The following APC variants were observed in gnomAD, a reference collection of about 807,000 sequenced individuals.
APC encodes the protein adenomatous polyposis coli protein.
APC carries 72 observed loss-of-function variants against 247.0 expected under a neutral mutation model. That is an observed-to-expected ratio of 0.29 (90% CI 0.24 to 0.35). APC has a LOEUF of 0.35. APC is among the 10% of genes least tolerant of loss of function. APC has a pLI of 1.00. For synonymous variants in APC, 1,254 were observed against 1,162.5 expected (o/e 1.08, Z -1.60); for missense variants, 3,400 against 3,360.7 (o/e 1.01, Z -0.29).
intron 8 of APC, among the ~76,000 whole-genome samples, chr5:112,804,416 C>T (rs534896455): frequency 2.0e-5 from 3 of 152,060 alleles, no homozygotes; most frequent in Non-Finnish European, 4.4e-5. Context: ...CAGAGTCTCG[C>T]TCTGTCAGCA....
chr5:112,798,932 G>T (rs763332631), intron 7 of APC, among the ~76,000 whole-genome samples: 3 of 151,944 alleles, frequency 2.0e-5, no homozygotes, highest in Non-Finnish European at 4.4e-5. Context: ...GATAATGGCC[G>T]GGCACTGTGG....
At chr5:112,796,228 CAAT>C in intron 7 of APC, among the ~76,000 whole-genome samples, 2 of 152,180 alleles carry the variant, frequency 1.3e-5, no homozygotes, top group South Asian at 4.2e-4. Flanking sequence ...ATTTGTGTAA[CAAT>C]AAAGTGGAAC....
intron 1 of APC, among the ~76,000 whole-genome samples, chr5:112,749,260 C>G (rs1285711217): frequency 6.6e-6 from 1 of 151,954 alleles, no homozygotes; most frequent in East Asian, 1.9e-4. Flanking sequence ...TATGATTATT[C>G]TTTTTCACAC....
chr5:112,822,051 TAG>T (rs1763203280), intron 11 of APC, 60 bp downstream of exon 11: 1 of 1,138,340 alleles, frequency 8.8e-7, no homozygotes, highest in Non-Finnish European at 1.3e-6. Context: ...TAAATCATGG[TAG>T]AAATTCAGTA....
At chr5:112,816,798 GAAAA>G (rs200654701) in intron 9 of APC, among the ~76,000 whole-genome samples, 1 of 140,662 alleles carries the variant, frequency 7.1e-6, no homozygotes, top group Non-Finnish European at 1.6e-5. Context: ...CATTTCAAAA[GAAAA>G]AAAAAAGAGG....
chr5:112,756,185 C>T (rs992458543), intron 2 of APC, among the ~76,000 whole-genome samples: 1 of 152,120 alleles, frequency 6.6e-6, no homozygotes, highest in Non-Finnish European at 1.5e-5. Flanking sequence ...CTCTTTTACC[C>T]TTTATATTCA....
intron 8 of APC, among the ~76,000 whole-genome samples, chr5:112,808,019 G>T (rs1471318669): frequency 1.3e-5 from 2 of 152,082 alleles, no homozygotes; most frequent in African/African-American, 2.4e-5. Flanking sequence ...GCCAGATGTG[G>T]TGGCGCACAC....
chr5:112,741,771 C>T (rs1323688454), intron 1 of APC, among the ~76,000 whole-genome samples: 1 of 152,148 alleles, frequency 6.6e-6, no homozygotes, highest in Non-Finnish European at 1.5e-5. Context: ...TAAACACTAA[C>T]ATGCCATTTT....
chr5:112,834,169 T>C (rs1027539182), intron 14 of APC, among the ~76,000 whole-genome samples: 1 of 150,090 alleles, frequency 6.7e-6, no homozygotes, highest in Non-Finnish European at 1.5e-5. Flanking sequence ...CTCAAATTCC[T>C]AAACTCCCAG....
intron 9 of APC, among the ~76,000 whole-genome samples, chr5:112,817,679 T>C (rs1762649389): frequency 6.6e-6 from 1 of 152,200 alleles, no homozygotes; most frequent in Non-Finnish European, 1.5e-5. Context: ...TGCATGATAA[T>C]ATTAAGACCC....
intron 15 of APC, among the ~76,000 whole-genome samples, chr5:112,837,296 A>G (rs1765038575): frequency 6.6e-6 from 1 of 152,202 alleles, no homozygotes; most frequent in African/African-American, 2.4e-5. Context: ...CCCCCTGCAA[A>G]TGTTTTAAGC....
At chr5:112,763,716 A>G (rs569928194) in intron 2 of APC, among the ~76,000 whole-genome samples, 2 of 152,348 alleles carry the variant, frequency 1.3e-5, no homozygotes, top group East Asian at 3.9e-4. Flanking sequence ...CAAGTAAAAA[A>G]GAAATTGCTT....
intron 5 of APC, among the ~76,000 whole-genome samples, 161 bp downstream of exon 5, chr5:112,775,898 A>T (rs1022609140): frequency 6.6e-6 from 1 of 152,132 alleles, no homozygotes; most frequent in Non-Finnish European, 1.5e-5. Flanking sequence ...TAGTTAATGA[A>T]TTTTTGTTGG....
rs75822244 is a variant in APC at position 112,786,892 on chromosome 5, T to C, written c.646-5554T>C. Among the ~76,000 whole-genome samples the C allele has an allele frequency of 1.2e-4, 13 of 107,082 alleles. No homozygotes were observed. In the South Asian group the frequency reaches 1.7e-3, roughly 14 times the overall value. 70.2% of individuals were successfully genotyped at this position (107,082 alleles called of 152,430 possible). ...ACCCTGCCTTTTTCTTTTTCTTTTT[T>C]TTTTTTTTTTTTTGAGTCAGAGTCT... On this transcript the variant is annotated intron_variant, in intron 6 of 15. Transcript: ENST00000257430.
intron 5 of APC, among the ~76,000 whole-genome samples, chr5:112,776,381 A>C (rs1477138496): frequency 2.0e-5 from 3 of 152,226 alleles, no homozygotes; most frequent in Non-Finnish European, 4.4e-5. Flanking sequence ...AAAACATGCA[A>C]GTCAATAGTT....
At chr5:112,761,587 A>G (rs1460319452) in intron 2 of APC, among the ~76,000 whole-genome samples, 2 of 152,232 alleles carry the variant, frequency 1.3e-5, no homozygotes, top group African/African-American at 4.8e-5. Flanking sequence ...GAAAATATTC[A>G]AACTGAAGCA....
Position 112,840,498 on chromosome 5 carries a change from G to T in APC, c.4904G>T (p.Gly1635Val), listed in dbSNP as rs1169982962. The T allele has an allele frequency of 6.2e-7, 1 of 1,614,110 alleles. No individual in the cohort carries two copies. Among genetic ancestry groups the T allele is most frequent in the Admixed American group, 1.7e-5 (1 of 60,020 alleles). Residue 1635 changes from glycine to valine, a missense_variant, in exon 16 of 16, where the codon GGG becomes GTG. Physicochemically the swap from Gly to Val is moderately radical, Grantham distance 109. This residue lies in a region of APC where 1,788 missense variants were observed against 1,649.5 expected (regional missense o/e 1.08). Transcript: ENST00000257430. This position sits in a 1 kb window ranked among gnomAD's most constrained non-coding sequence, Gnocchi z 4.1. ...CAAAAGCATGTTAGTTTTACACCGG[G>T]GGATGATATGCCACGGGTGTATTGT... ...QPQKHVSFTP[G>V]DDMPRVYCVE...
At chr5:112,714,092 C>T (rs1751022432) in intron 1 of APC, among the ~76,000 whole-genome samples, 1 of 152,206 alleles carries the variant, frequency 6.6e-6, no homozygotes, top group Admixed American at 6.5e-5. Flanking sequence ...TTAAGCATAT[C>T]TGTTGGAGCT....
chr5:112,830,158 A>G (rs903062092), intron 14 of APC, among the ~76,000 whole-genome samples: 4 of 152,172 alleles, frequency 2.6e-5, no homozygotes, highest in African/African-American at 9.7e-5. Flanking sequence ...AAACCCTTGA[A>G]AATTTATTAG....
Sources: allele counts gnomAD v4.1 joint callset (sites outside exome capture counted in the v4.1 genomes callset), GRCh38; gene constraint gnomAD v4.1.1; regional missense constraint gnomAD v4.1.1; non-coding constraint Gnocchi (gnomAD v3.1); transcripts MANE v1.5; gene names NCBI Gene and HGNC (gene_info 2026-07-23, HGNC 2026-07-21).